The following GGNBP2 variants were observed in gnomAD, a reference collection of about 807,000 sequenced individuals.
The protein encoded by GGNBP2 is gametogenetin-binding protein 2.
Under a neutral mutation model 85.9 loss-of-function variants are expected in GGNBP2, and 10 were observed. That is an observed-to-expected ratio of 0.12 (90% CI 0.07 to 0.20). The LOEUF is 0.20. GGNBP2 is among the 10% of genes least tolerant of loss of function. GGNBP2 has a pLI of 1.00. For synonymous variants in GGNBP2, 287 were observed against 285.7 expected (o/e 1.00, Z -0.05); for missense variants, 595 against 857.8 (o/e 0.69, Z 3.83).
intron 2 of GGNBP2, 76 bp downstream of exon 2, chr17:36,545,893 G>A (rs1233296455): frequency 9.5e-7 from 1 of 1,056,470 alleles, no homozygotes; most frequent in Non-Finnish European, 1.4e-6. Context: ...CCCAGGCCGA[G>A]CGCTGCGCAC....
At chr17:36,572,083 ATGC>A (rs1230975504) in intron 6 of GGNBP2, among the ~76,000 whole-genome samples, 1 of 152,026 alleles carries the variant, frequency 6.6e-6, no homozygotes, top group East Asian at 1.9e-4. Context: ...GTCATATGCA[ATGC>A]TGCTTTTGCA....
intron 6 of GGNBP2, among the ~76,000 whole-genome samples, chr17:36,573,574 G>A (rs2074547863): frequency 6.6e-6 from 1 of 152,146 alleles, no homozygotes; most frequent in Admixed American, 6.6e-5. Context: ...TCGTATGGTA[G>A]TTTTATTTTG....
intron 2 of GGNBP2, 142 bp downstream of exon 2, chr17:36,545,959 C>T: frequency 1.6e-6 from 1 of 614,552 alleles, no homozygotes; most frequent in Non-Finnish European, 2.9e-6. Flanking sequence ...GCAGGCCCCA[C>T]AAACTCGCCT....
At chr17:36,549,902 A>G (rs896330628) in intron 2 of GGNBP2, among the ~76,000 whole-genome samples, 2 of 152,050 alleles carry the variant, frequency 1.3e-5, no homozygotes, top group African/African-American at 4.8e-5. Flanking sequence ...AACCTTTTGT[A>G]AAGTTCCAGG....
chr17:36,580,333 G>T (rs56024048), intron 8 of GGNBP2, among the ~76,000 whole-genome samples: 1 of 150,512 alleles, frequency 6.6e-6, no homozygotes, highest in Non-Finnish European at 1.5e-5. Context: ...TCAGCCTCCC[G>T]AGTAGCTGGG....
intron 4 of GGNBP2, among the ~76,000 whole-genome samples, chr17:36,559,970 G>T (rs544821667): frequency 6.6e-6 from 1 of 152,252 alleles, no homozygotes; most frequent in South Asian, 2.1e-4. Flanking sequence ...GAGAAGCTGG[G>T]ATTACAGGCG....
At chr17:36,574,649 G>A in intron 6 of GGNBP2, 5 of 585,142 alleles carry the variant, frequency 8.5e-6, no homozygotes, top group Non-Finnish European at 1.2e-5. Flanking sequence ...ACCCAGGGCG[G>A]CAGTGTAGCC....
At chr17:36,559,796 G>A (rs2074399409) in intron 4 of GGNBP2, among the ~76,000 whole-genome samples, 1 of 152,062 alleles carries the variant, frequency 6.6e-6, no homozygotes, top group African/African-American at 2.4e-5. Flanking sequence ...GAAGTGATCT[G>A]ATTCTAGATT....
intron 3 of GGNBP2, among the ~76,000 whole-genome samples, chr17:36,556,188 C>T (rs2074359244): frequency 6.6e-6 from 1 of 152,184 alleles, no homozygotes; most frequent in South Asian, 2.1e-4. Context: ...AGTTATTTTT[C>T]TACCTTGTCA....
At chr17:36,545,515 C>G (rs2074242115) in intron 1 of GGNBP2, 104 bp from the exon 2 acceptor site, 2 of 466,478 alleles carry the variant, frequency 4.3e-6, no homozygotes, top group South Asian at 3.5e-5. Context: ...TGATGGGAAA[C>G]GCAGCCCGGC....
At chr17:36,549,203 T>TA (rs2074285113) in intron 2 of GGNBP2, among the ~76,000 whole-genome samples, 1 of 150,612 alleles carries the variant, frequency 6.6e-6, no homozygotes, top group African/African-American at 2.5e-5. Context: ...TCTGAAGAAT[T>TA]AAAGTTTTTT....
chr17:36,579,311 T>G lies in GGNBP2; in HGVS notation c.912T>G (p.Ile304Met), dbSNP rs1035021273. The G allele has an allele frequency of 6.2e-7, 1 of 1,614,192 alleles. No homozygotes were observed. Among genetic ancestry groups the G allele is most frequent in the Non-Finnish European group, 8.5e-7 (1 of 1,180,012 alleles). Residue 304 changes from isoleucine (I) to methionine (M), a missense_variant, in exon 8 of 14, where the codon ATT becomes ATG. Physicochemically the swap from Ile to Met is conservative, Grantham distance 10. Transcript: ENST00000613102. ...AQEEVLTCLG[I>M]HLYERLHRIW... is the part of the protein sequence containing the mutation. The stretch of plus-strand genomic sequence containing the variant: ...AAGAAGTTCTGACCTGCTTGGGAAT[T>G]CATCTTTATGAAAGACTGCATCGAA...
At chr17:36,583,596 C>A (rs1052400820) in intron 9 of GGNBP2, among the ~76,000 whole-genome samples, 3 of 151,970 alleles carry the variant, frequency 2.0e-5, no homozygotes, top group Non-Finnish European at 4.4e-5. Flanking sequence ...GTAGCTGGGA[C>A]TACAGGCGCC....
intron 2 of GGNBP2, 75 bp from the exon 3 acceptor site, chr17:36,554,745 T>C (rs1239034569): frequency 6.1e-6 from 6 of 989,848 alleles, no homozygotes; most frequent in Admixed American, 1.7e-5. Context: ...CACGGGTCTA[T>C]TTCTGGAGTT....
Position 36,587,058 on chromosome 17 carries a change from T to C in GGNBP2, c.1703T>C (p.Met568Thr), listed in dbSNP as rs765737018. ...AATCGAGAGACCTCAGGAAATACCA[T>C]GCACACAGTGTTTCACCGTGACAAG... ...PGNRETSGNT[M>T]HTVFHRDKTK... Residue 568 changes from methionine to threonine, a missense_variant, in exon 13 of 14, where the codon ATG becomes ACG. This residue lies in a region of GGNBP2 where 120 missense variants were observed against 126.3 expected (regional missense o/e 0.95). Transcript: ENST00000613102. 1.1e-5 allele frequency: 18 copies of C among 1,613,736 alleles called. No homozygotes were observed. Among genetic ancestry groups the C allele is most frequent in the Admixed American group, 3.3e-5 (2 of 59,972 alleles).
At chr17:36,557,062 C>T (rs1297411919) in intron 3 of GGNBP2, 21 bp from the exon 4 acceptor site, 2 of 1,613,276 alleles carry the variant, frequency 1.2e-6, no homozygotes, top group East Asian at 4.5e-5. Context: ...GACACTCTTT[C>T]ATTTTCTTTC....
intron 9 of GGNBP2, among the ~76,000 whole-genome samples, chr17:36,582,714 C>T (rs1000846898): frequency 2.0e-5 from 3 of 152,154 alleles, no homozygotes; most frequent in Non-Finnish European, 2.9e-5. Flanking sequence ...GTAGTTATCT[C>T]TTTACCTGAC....
chr17:36,578,648 T>C (rs1393138802), intron 7 of GGNBP2: 1 of 156,344 alleles, frequency 6.4e-6, no homozygotes, highest in African/African-American at 2.4e-5. Context: ...CCTAAAGTAG[T>C]ATCTCTGGCT....
chr17:36,552,538 A>C (rs1265967011), intron 2 of GGNBP2, among the ~76,000 whole-genome samples: 2 of 77,426 alleles, frequency 2.6e-5, no homozygotes, highest in South Asian at 4.4e-4. Flanking sequence ...GAAAGTGCTT[A>C]TAACAATGTC....
Sources: gnomAD v4.1 joint callset for allele counts (sites outside exome capture counted in the v4.1 genomes callset) on GRCh38, gnomAD v4.1.1 for gene constraint, gnomAD v4.1.1 regional missense constraint, MANE v1.5 for transcripts, NCBI Gene and HGNC (gene_info 2026-07-23, HGNC 2026-07-21) for gene names.